Variants in NMNAT1 observed in about 807,000 individuals in gnomAD.
NMNAT1 encodes nicotinamide/nicotinic acid mononucleotide adenylyltransferase 1.
In NMNAT1, 11 loss-of-function variants were observed where a neutral mutation model predicts 16.7. The observed-to-expected ratio is 0.66, with a 90% CI of 0.41 to 1.09. The LOEUF (loss-of-function observed/expected upper bound fraction) is 1.09. Among genes scored for constraint, NMNAT1 ranks in the 50% least tolerant of loss-of-function variants. The pLI is 0.00. For synonymous variants in NMNAT1, 110 were observed against 119.8 expected, an observed-to-expected ratio of 0.92 and a Z score of 0.53; for missense variants, 280 against 332.3, an observed-to-expected ratio of 0.84 and a Z score of 1.22.
chr1:9,993,175 T>G, the NMNAT1 span, among the ~76,000 whole-genome samples: 1 of 151,814 alleles, frequency 6.6e-6, no homozygotes, highest in African/African-American at 2.4e-5. Context: ...AGTGCAAATT[T>G]CCTTTTAAGA....
At chr1:9,959,731 A>G (rs1294190916) in intron 1 of NMNAT1, among the ~76,000 whole-genome samples, 1 of 151,868 alleles carries the variant, frequency 6.6e-6, no homozygotes, top group Non-Finnish European at 1.5e-5. Context: ...AATCATTCTA[A>G]CTCCCTTCTT....
In NMNAT1 at chr1:9,982,659, C is replaced by A; in HGVS notation, c.798C>A (p.Ile266=). The A allele has an allele frequency of 6.2e-7, 1 of 1,613,580 alleles. No individual in the cohort carries two copies. The highest frequency in any genetic ancestry group is 8.5e-7 in the Non-Finnish European group (1 of 1,179,734). Residue 266 remains isoleucine (I), a synonymous_variant, in exon 5 of 5, where the codon ATC becomes ATA. Coordinates refer to ENST00000377205, the MANE Select transcript of NMNAT1 (RefSeq NM_022787.4). The stretch of plus-strand genomic sequence containing the variant: ...GTGAAGACAGGAATGCTGGGGTCAT[C>A]CTGGCCCCTTTGCAGAGAAACACTG... ...SESEDRNAGV[I]LAPLQRNTAE...
At chr1:9,975,796 T>C (rs1557471772) in intron 3 of NMNAT1, 21 bp downstream of exon 3, 5 of 1,590,240 alleles carry the variant, frequency 3.1e-6, no homozygotes, top group Non-Finnish European at 4.3e-6. Flanking sequence ...TGTAATCAAC[T>C]TTGTCAGTTC....
chr1:9,965,293 G>GGGA, intron 1 of NMNAT1, among the ~76,000 whole-genome samples: 1 of 135,516 alleles, frequency 7.4e-6, no homozygotes, highest in African/African-American at 2.8e-5. Context: ...CTCCAGCTTG[G>GGGA]CAACAGAGCG....
intron 1 of NMNAT1, chr1:9,955,938 A>T (rs549051435): frequency 6.6e-6 from 1 of 152,204 alleles, no homozygotes; most frequent in East Asian, 1.9e-4. Context: ...TTAATTTATT[A>T]CTTATTACAG....
rs183795069 is a variant in NMNAT1 at position 9,967,097 on chromosome 1, A to G, written c.-56-4921A>G. On this transcript the variant is annotated intron_variant, in intron 1 of 4. Coordinates refer to ENST00000377205, the MANE Select transcript of NMNAT1 (RefSeq NM_022787.4). Reference sequence around the variant, plus strand: ...AAATTAGCTGGGCATGTTGGCAGGCATCTATAATCCCAGCTACTCAGGAGG... The same window carrying G: ...AAATTAGCTGGGCATGTTGGCAGGCGTCTATAATCCCAGCTACTCAGGAGG... 2.8e-3 allele frequency among the ~76,000 whole-genome samples: 425 copies of G among 152,124 alleles called. 2 individuals are homozygous for G. Among genetic ancestry groups the G allele is most frequent in the African/African-American group, 9.3e-3 (385 of 41,506 alleles).
At chr1:9,992,315 T>G in the NMNAT1 span, among the ~76,000 whole-genome samples, 1 of 151,926 alleles carries the variant, frequency 6.6e-6, no homozygotes, top group African/African-American at 2.4e-5. Context: ...AATCCTGGGC[T>G]CAAATGATCC....
chr1:9,961,355 GA>G (rs2101666472), intron 1 of NMNAT1, among the ~76,000 whole-genome samples: 1 of 152,246 alleles, frequency 6.6e-6, no homozygotes, highest in African/African-American at 2.4e-5. Context: ...ACTGAAACCT[GA>G]GATGGGCGGG....
In NMNAT1 at chr1:9,972,163, G is replaced by T. The variant is rs1396110298; in HGVS notation, c.90G>T (p.Leu30=). The part of the protein sequence containing the change: ...ITNMHLRLFE[L]AKDYMNGTGR... ...ACATGCACCTCAGGTTGTTTGAGCT[G>T]GCCAAGGACTACATGAATGGAACAG... The change falls in exon 2 of 5, where the codon CTG becomes CTT. Residue 30 remains leucine, a synonymous_variant. Transcript: ENST00000377205. 1 of 1,609,124 alleles carries T rather than the reference G, an allele frequency of 6.2e-7. No individual in the cohort carries two copies. The highest frequency in any genetic ancestry group is 1.7e-5 in the Admixed American group (1 of 59,934).
Position 9,983,734 on chromosome 1 carries a change from A to T in NMNAT1, c.*1033A>T, listed in dbSNP as rs1641999864. On this transcript the variant is annotated 3_prime_UTR_variant, in exon 5 of 5. Transcript: ENST00000377205. ...TAGTGAAAGGCTGGAGCCTCAAATCATACAGATGAGGGTCATTTTCTCCTC... is the reference window on the plus strand; with the variant it reads ...TAGTGAAAGGCTGGAGCCTCAAATCTTACAGATGAGGGTCATTTTCTCCTC... 6.6e-6 allele frequency: 1 copy of T among 151,982 alleles called. No homozygotes were observed. Among genetic ancestry groups the T allele is most frequent in the African/African-American group, 2.4e-5 (1 of 41,400 alleles). The allele number at this position is 151,982 out of a possible 1,614,324, so 9.4% of individuals were successfully genotyped here. A position where few individuals can be genotyped will look rare whatever the true frequency, so the allele number is the denominator to read the frequency against.
intron 1 of NMNAT1, among the ~76,000 whole-genome samples, chr1:9,968,802 G>T (rs1641622590): frequency 6.8e-6 from 1 of 146,800 alleles, no homozygotes; most frequent in Non-Finnish European, 1.5e-5. Flanking sequence ...AGCCAGGTGT[G>T]GTGGCACGTG....
intron 2 of NMNAT1, among the ~76,000 whole-genome samples, chr1:9,973,501 A>G (rs547986838): frequency 1.1e-4 from 16 of 148,818 alleles, no homozygotes; most frequent in African/African-American, 2.7e-4. Context: ...AGGTCAGGAG[A>G]TTGAGACCAT....
In NMNAT1 at chr1:9,969,021, G is replaced by A. The variant is rs1001259697; in HGVS notation, c.-56-2997G>A. On this transcript the variant is annotated intron_variant, in intron 1 of 4. Transcript: ENST00000377205. ...GGGTTAGGTTGCCCAAGGTCATGCC[G>A]TTGGAGCTGCAATTTGAAGCCAGGC... Among the ~76,000 whole-genome samples the A allele has an allele frequency of 4.6e-5, 7 of 151,904 alleles. No homozygotes were observed. The East Asian group carries it at 5.8e-4, about 13-fold the overall frequency.
At chr1:9,976,355 A>G (rs1641814210) in intron 3 of NMNAT1, among the ~76,000 whole-genome samples, 1 of 152,088 alleles carries the variant, frequency 6.6e-6, no homozygotes, top group Non-Finnish European at 1.5e-5. Flanking sequence ...AAAATAGAGG[A>G]AGCCTGCCTG....
chr1:9,957,850 C>T (rs1055984587), intron 1 of NMNAT1, among the ~76,000 whole-genome samples: 5 of 151,992 alleles, frequency 3.3e-5, no homozygotes, highest in African/African-American at 1.2e-4. Context: ...AGAATAATTT[C>T]GAAGACAGAA....
In NMNAT1 at chr1:9,978,154, C is replaced by T. The variant is rs1406107282; in HGVS notation, c.299+2379C>T. 3.3e-5 allele frequency among the ~76,000 whole-genome samples: 5 copies of T among 152,108 alleles called. No homozygotes were observed. The East Asian group carries it at 7.7e-4, about 24-fold the overall frequency. ...GGTGGATCACCTGAGGTCAGGAGATCGAGACCACCCTGGCCAACATGGCAA... is the reference window on the plus strand; with the variant it reads ...GGTGGATCACCTGAGGTCAGGAGATTGAGACCACCCTGGCCAACATGGCAA... On this transcript the variant is annotated intron_variant, in intron 3 of 4. Transcript: ENST00000377205.
downstream of NMNAT1, among the ~76,000 whole-genome samples, chr1:9,989,249 G>A (rs1642082142): frequency 6.6e-6 from 1 of 152,112 alleles, no homozygotes; most frequent in Non-Finnish European, 1.5e-5. Flanking sequence ...CTTGAGGTCA[G>A]GAGTTCAAGA....
At chr1:9,995,575 T>C in the NMNAT1 span, among the ~76,000 whole-genome samples, 2 of 151,966 alleles carry the variant, frequency 1.3e-5, no homozygotes, top group East Asian at 3.9e-4. Flanking sequence ...GTACCTGTAA[T>C]CCCAGCTACT....
Position 9,981,185 on chromosome 1 carries a change from G to T in NMNAT1, c.439+15G>T. On this transcript the variant is annotated intron_variant, in intron 4 of 4. Coordinates refer to ENST00000377205, the MANE Select transcript of NMNAT1 (RefSeq NM_022787.4). The stretch of plus-strand genomic sequence containing the variant: ...AAAAACAAAAGGTTTGTATGTTTTA[G>T]CAGGACCCACGGACTAGAGTTGATA... 6.2e-7 allele frequency: 1 copy of T among 1,603,104 alleles called. No individual in the cohort carries two copies. Among genetic ancestry groups the T allele is most frequent in the African/African-American group, 1.3e-5 (1 of 74,118 alleles).
Sources: gnomAD v4.1 joint callset for allele counts (sites outside exome capture counted in the v4.1 genomes callset) on GRCh38, gnomAD v4.1.1 for gene constraint, MANE v1.5 for transcripts, NCBI Gene and HGNC (gene_info 2026-07-23, HGNC 2026-07-21) for gene names.